PTGES3: variants seen among roughly 807,000 people sequenced by gnomAD.
PTGES3 encodes Hsp90 co-chaperone.
In PTGES3, 5 loss-of-function variants were observed where a neutral mutation model predicts 29.9. The ratio of observed to expected loss-of-function variants is 0.17; its 90% CI spans 0.09 to 0.35. PTGES3 has a LOEUF of 0.35. Ranked by LOEUF, PTGES3 falls within the 10% of genes least tolerant of loss-of-function variation. The probability of loss-of-function intolerance (pLI) is 1.00; values close to 1 mark genes in which losing one functional copy is unlikely to be tolerated. For missense variants in PTGES3, 128 were observed against 190.0 expected (o/e 0.67, Z 1.92); for synonymous variants, 49 against 57.8 (o/e 0.85, Z 0.69).
At chr12:56,687,510 CG>C in intron 1 of PTGES3, 2 of 998,508 alleles carry the variant, frequency 2.0e-6, no homozygotes, top group Non-Finnish European at 2.4e-6. Flanking sequence ...CAGCTCACGG[CG>C]AGGTCCGCGT....
chr12:56,668,038 G>A (rs143345022), intron 5 of PTGES3, among the ~76,000 whole-genome samples: 34 of 152,338 alleles, frequency 2.2e-4, no homozygotes, highest in Admixed American at 1.4e-3. Context: ...AACCCAGGAG[G>A]TGGAGGCTGG....
chr12:56,685,294 TA>T (rs751372804), intron 1 of PTGES3, among the ~76,000 whole-genome samples: 3 of 152,134 alleles, frequency 2.0e-5, no homozygotes, highest in East Asian at 1.9e-4. Context: ...ATATTATTTT[TA>T]AAAGAATATT....
chr12:56,668,376 T>C (rs1951865384), intron 5 of PTGES3, among the ~76,000 whole-genome samples: 1 of 152,236 alleles, frequency 6.6e-6, no homozygotes, highest in Middle Eastern at 3.4e-3. Context: ...ATTCAAGAGA[T>C]ATGTAAGAGA....
intron 1 of PTGES3, among the ~76,000 whole-genome samples, chr12:56,680,283 G>C (rs1592273298): frequency 6.6e-6 from 1 of 151,668 alleles, no homozygotes; most frequent in East Asian, 1.9e-4. Context: ...TGCAATATTG[G>C]CCAGGCTGGT....
chr12:56,678,509 A>C (rs1952372869), intron 1 of PTGES3, among the ~76,000 whole-genome samples: 1 of 152,190 alleles, frequency 6.6e-6, no homozygotes, highest in Admixed American at 6.5e-5. Context: ...TGTGCATTGC[A>C]CATAGTAAAA....
intron 6 of PTGES3, 37 bp downstream of exon 6, chr12:56,666,167 T>G (rs1565858505): frequency 6.4e-7 from 1 of 1,571,976 alleles, no homozygotes; most frequent in Admixed American, 1.8e-5. Context: ...TATTTAATAG[T>G]ATGAAAGTAA....
chr12:56,674,964 A>G (rs1394459822), intron 1 of PTGES3, among the ~76,000 whole-genome samples: 2 of 136,432 alleles, frequency 1.5e-5, no homozygotes, highest in South Asian at 2.4e-4. Context: ...AGATCAGGCC[A>G]TTGCACTCCA....
At chr12:56,679,408 C>CAAAAA (rs770485836) in intron 1 of PTGES3, among the ~76,000 whole-genome samples, 19 of 65,060 alleles carry the variant, frequency 2.9e-4, no homozygotes, top group Admixed American at 6.8e-4. Context: ...GACTCTGCCT[C>CAAAAA]AAAAAAAAAA....
At chr12:56,665,367 T>G (rs1196662925) in intron 6 of PTGES3, 2 of 920,622 alleles carry the variant, frequency 2.2e-6, no homozygotes. Flanking sequence ...GAGATCCGGC[T>G]CACTGCAACC....
At chr12:56,686,081 T>TA in intron 1 of PTGES3, among the ~76,000 whole-genome samples, 1 of 148,554 alleles carries the variant, frequency 6.7e-6, no homozygotes, top group Admixed American at 6.9e-5. Flanking sequence ...GCCTTACACT[T>TA]ACTTTTCACC....
chr12:56,686,291 G>A (rs1402511116), intron 1 of PTGES3, among the ~76,000 whole-genome samples: 1 of 152,190 alleles, frequency 6.6e-6, no homozygotes, highest in African/African-American at 2.4e-5. Context: ...TTCAGAGTAT[G>A]AAAGGTTAAG....
intron 1 of PTGES3, chr12:56,687,365 C>CA (rs1952923829): frequency 2.0e-6 from 2 of 987,872 alleles, no homozygotes; most frequent in Non-Finnish European, 2.4e-6. Context: ...TGAGTTTTGG[C>CA]AACCTCCCGT....
chr12:56,670,530 G>C (rs1951963155), intron 4 of PTGES3, 166 bp from the exon 5 acceptor site: 3 of 591,606 alleles, frequency 5.1e-6, no homozygotes, highest in Non-Finnish European at 6.0e-6. Flanking sequence ...ATCAATATGT[G>C]AGTTTTGACC....
chr12:56,670,378 C>T lies in PTGES3; in HGVS notation c.286-14G>A, dbSNP rs1450237348. On this transcript the variant is annotated splice_polypyrimidine_tract_variant and intron_variant, in intron 4 of 7. Transcript: ENST00000262033. Reference sequence around the variant, plus strand: ...AAGCCAATTAAGCTATAAATCAATACAAATATCACCCTAAGATTAGGCTAA... The same window carrying T: ...AAGCCAATTAAGCTATAAATCAATATAAATATCACCCTAAGATTAGGCTAA... 6.4e-7 allele frequency: 1 copy of T among 1,560,568 alleles called. No individual in the cohort carries two copies. The highest frequency in any genetic ancestry group is 2.2e-5 in the East Asian group (1 of 44,610).
intron 1 of PTGES3, among the ~76,000 whole-genome samples, chr12:56,678,770 G>A (rs375267292): frequency 2.0e-5 from 3 of 152,154 alleles, no homozygotes; most frequent in East Asian, 1.9e-4. Context: ...AAATGTAATT[G>A]CTTGGATTGG....
intron 1 of PTGES3, among the ~76,000 whole-genome samples, chr12:56,686,031 T>C (rs1412516794): frequency 6.6e-6 from 1 of 151,902 alleles, no homozygotes; most frequent in Non-Finnish European, 1.5e-5. Flanking sequence ...TGCCTCGGCC[T>C]CCCAAGTATA....
chr12:56,687,621 G>A (rs911201121), intron 1 of PTGES3: 38 of 1,123,904 alleles, frequency 3.4e-5, no homozygotes, highest in Non-Finnish European at 3.8e-5. Flanking sequence ...CAGAACCGGA[G>A]CGCCCAAGCA....
chr12:56,667,246 T>C (rs1204280401), intron 5 of PTGES3, among the ~76,000 whole-genome samples: 1 of 152,184 alleles, frequency 6.6e-6, no homozygotes, highest in Non-Finnish European at 1.5e-5. Flanking sequence ...GTTTTAGATA[T>C]TGTGAAGAAC....
chr12:56,670,648 A>T (rs955550441), intron 4 of PTGES3: 2 of 276,058 alleles, frequency 7.2e-6, no homozygotes, highest in African/African-American at 4.3e-5. Context: ...GTTACCTGAC[A>T]TATGGCAATG....
Sources: gnomAD v4.1 joint callset for allele counts (sites outside exome capture counted in the v4.1 genomes callset) on GRCh38, gnomAD v4.1.1 for gene constraint, MANE v1.5 for transcripts, NCBI Gene and HGNC (gene_info 2026-07-23, HGNC 2026-07-21) for gene names.